The following GPATCH2 variants were observed in gnomAD, a reference collection of about 807,000 sequenced individuals.
GPATCH2 encodes the protein G-patch domain containing 2.
A neutral mutation model predicts 58.0 loss-of-function variants in GPATCH2; 51 were observed. That is an observed-to-expected ratio of 0.88 (90% CI 0.70 to 1.11). The LOEUF (loss-of-function observed/expected upper bound fraction) is 1.11, where lower values mean the gene tolerates loss of function less well. Ranked by LOEUF, GPATCH2 falls within the 50% of genes most tolerant of loss-of-function variation. The pLI is 0.00. For missense variants in GPATCH2, 625 were observed against 652.2 expected (o/e 0.96, Z 0.45); for synonymous variants, 222 against 218.5 (o/e 1.02, Z -0.14).
At chr1:217,609,786 A>G in intron 5 of GPATCH2, 1 of 972,046 alleles carries the variant, frequency 1.0e-6, no homozygotes, top group Non-Finnish European at 1.2e-6. Context: ...ATCAGTCACA[A>G]TATAAACATT....
chr1:217,443,169 C>T (rs1659227371), intron 9 of GPATCH2, among the ~76,000 whole-genome samples: 1 of 152,176 alleles, frequency 6.6e-6, no homozygotes, highest in African/African-American at 2.4e-5. Context: ...TTTCTTTGCT[C>T]ACCATTACTT....
chr1:217,586,987 C>T (rs1667370729), intron 5 of GPATCH2, among the ~76,000 whole-genome samples: 1 of 152,160 alleles, frequency 6.6e-6, no homozygotes, highest in South Asian at 2.1e-4. Flanking sequence ...GTAGTTACTT[C>T]TGGGAGAAGA....
At chr1:217,526,827 C>T (rs984603854) in intron 5 of GPATCH2, among the ~76,000 whole-genome samples, 16 of 152,192 alleles carry the variant, frequency 1.1e-4, no homozygotes. Context: ...GCTCATATTA[C>T]CACCTGAGCT....
intron 5 of GPATCH2, 88 bp from the exon 6 acceptor site, chr1:217,514,977 T>A: frequency 1.4e-6 from 1 of 703,780 alleles, no homozygotes; most frequent in Non-Finnish European, 2.6e-6. Flanking sequence ...TTTGAAGACA[T>A]CACTCTAAAA....
chr1:217,610,468 C>T (rs12749938), intron 4 of GPATCH2, 68 bp from the exon 5 acceptor site: 310,848 of 885,748 alleles, frequency 0.35, 57,944 homozygotes, highest in Non-Finnish European at 0.39. Flanking sequence ...AGAAGAGGAT[C>T]CTATCAATAG....
chr1:217,586,917 T>TA (rs1456418612), intron 5 of GPATCH2, among the ~76,000 whole-genome samples: 5 of 151,956 alleles, frequency 3.3e-5, no homozygotes, highest in Admixed American at 1.3e-4. Context: ...CACTGTACTA[T>TA]AAAAAAAACA....
intron 8 of GPATCH2, among the ~76,000 whole-genome samples, chr1:217,455,878 A>G (rs1442335140): frequency 6.6e-6 from 1 of 152,034 alleles, no homozygotes; most frequent in Non-Finnish European, 1.5e-5. Flanking sequence ...CAGACAAAAG[A>G]GCAGAAGCAC....
intron 5 of GPATCH2, among the ~76,000 whole-genome samples, chr1:217,544,084 C>T (rs568880065): frequency 7.0e-4 from 107 of 152,234 alleles, no homozygotes; most frequent in Admixed American, 1.6e-3. Flanking sequence ...TTATATTGAA[C>T]ATCTGAACTG....
intron 5 of GPATCH2, among the ~76,000 whole-genome samples, chr1:217,524,854 AG>A (rs1663758154): frequency 2.3e-4 from 1 of 4,370 alleles, no homozygotes; most frequent in Non-Finnish European, 5.1e-4. Flanking sequence ...GACCGGGGAG[AG>A]GGGAGAGGGG....
intron 9 of GPATCH2, among the ~76,000 whole-genome samples, chr1:217,435,944 T>C (rs569418565): frequency 1.3e-5 from 2 of 152,310 alleles, no homozygotes; most frequent in Admixed American, 6.5e-5. Context: ...GATACTTTTG[T>C]TAATTAAAAT....
At chr1:217,433,646 T>C (rs1658664055) in intron 9 of GPATCH2, among the ~76,000 whole-genome samples, 1 of 152,164 alleles carries the variant, frequency 6.6e-6, no homozygotes. Flanking sequence ...TCCACCTGCC[T>C]TAGCCTCCCA....
intron 5 of GPATCH2, among the ~76,000 whole-genome samples, chr1:217,521,296 C>T (rs1209927243): frequency 7.2e-6 from 1 of 138,048 alleles, no homozygotes; most frequent in Non-Finnish European, 1.5e-5. Context: ...TGGAATTAAG[C>T]TAACTTTGAA....
At chr1:217,451,542 C>A (rs933997257) in intron 8 of GPATCH2, among the ~76,000 whole-genome samples, 8 of 152,188 alleles carry the variant, frequency 5.3e-5, no homozygotes, top group African/African-American at 1.9e-4. Context: ...CCCTCATTAG[C>A]TAATGAGTTA....
rs190845417 is a variant in GPATCH2, at chr1:217,616,698, C to A, written c.774-2496G>T. On this transcript the variant is annotated intron_variant, in intron 2 of 9. Coordinates refer to ENST00000366935, the MANE Select transcript of GPATCH2 (RefSeq NM_018040.5). ...TATTTTCAGCAGCTGACAGTCATTACGGCTTATCTCCAAAGACACCCTTTC... is the reference window on the plus strand; with the variant it reads ...TATTTTCAGCAGCTGACAGTCATTAAGGCTTATCTCCAAAGACACCCTTTC... Among the ~76,000 whole-genome samples the A allele has an allele frequency of 1.9e-3, 285 of 152,220 alleles. 2 individuals are homozygous for A. Among genetic ancestry groups the A allele is most frequent in the Middle Eastern group, 0.017 (5 of 294 alleles).
intron 8 of GPATCH2, among the ~76,000 whole-genome samples, chr1:217,481,206 C>T (rs7354825): frequency 6.6e-6 from 1 of 152,026 alleles, no homozygotes; most frequent in Non-Finnish European, 1.5e-5. Context: ...ATGGATACCC[C>T]ATTTTCCATA....
rs377368679 is a variant in GPATCH2 at position 217,580,597 on chromosome 1, C to A, written c.1098+29724G>T. Among the ~76,000 whole-genome samples the A allele has an allele frequency of 4.1e-4, 62 of 152,282 alleles. 1 individual carries two copies. The South Asian group carries it at 0.012, about 31-fold the overall frequency. On this transcript the variant is annotated intron_variant, in intron 5 of 9. Transcript: ENST00000366935. ...TATAATTAGTGTACAGCATTACCTT[C>A]GGTAATCTCAATCCTTTCACTTTTA...
At chr1:217,617,862 C>T (rs527881696) in intron 2 of GPATCH2, among the ~76,000 whole-genome samples, 3 of 151,996 alleles carry the variant, frequency 2.0e-5, no homozygotes, top group South Asian at 4.2e-4. Flanking sequence ...AGTAGATACT[C>T]AAATACTTTT....
chr1:217,449,341 C>T lies in GPATCH2; in HGVS notation c.1278-4G>A, dbSNP rs758808300. 1.1e-5 allele frequency: 17 copies of T among 1,550,646 alleles called. No homozygotes were observed. The highest frequency in any genetic ancestry group is 5.0e-5 in the Admixed American group (3 of 59,796). On this transcript the variant is annotated splice_polypyrimidine_tract_variant and splice_region_variant and intron_variant, in intron 8 of 9. Transcript: ENST00000366935. ...TCCTAAATGCATGCTTGTTTGCCTA[C>T]GAATAATTATCAGAAAAAACTATTA...
rs529397328 is a variant in GPATCH2, at chr1:217,474,182, A to G, written c.1277+17498T>C. Among the ~76,000 whole-genome samples the G allele has an allele frequency of 2.0e-5, 3 of 152,340 alleles. No homozygotes were observed. The East Asian group carries it at 5.8e-4, about 29-fold the overall frequency. On this transcript the variant is annotated intron_variant, in intron 8 of 9. Coordinates refer to ENST00000366935, the MANE Select transcript of GPATCH2 (RefSeq NM_018040.5). ...ATAGTGAAGCATGAGAAGCAAGTTA[A>G]GAAATCCACAGGAATCCTGCCCTTT...
Sources: gnomAD v4.1 joint callset for allele counts (sites outside exome capture counted in the v4.1 genomes callset) on GRCh38, gnomAD v4.1.1 for gene constraint, MANE v1.5 for transcripts, NCBI Gene and HGNC (gene_info 2026-07-23, HGNC 2026-07-21) for gene names.